Variants in RNLS observed in about 807,000 individuals in gnomAD.
The protein encoded by RNLS is renalase.
RNLS carries 39 observed loss-of-function variants against 39.8 expected under a neutral mutation model. The observed-to-expected ratio is 0.98, with a 90% confidence interval of 0.76 to 1.28. RNLS has a LOEUF of 1.28. Among genes scored for constraint, RNLS ranks in the 50% most tolerant of loss-of-function variants. RNLS has a pLI of 0.00. For missense variants in RNLS, 410 were observed against 413.3 expected (o/e 0.99, Z 0.07); for synonymous variants, 147 against 150.7 (o/e 0.98, Z 0.18).
At chr10:88,491,398 T>C (rs1046970353) in intron 4 of RNLS, among the ~76,000 whole-genome samples, 3 of 152,164 alleles carry the variant, frequency 2.0e-5, no homozygotes, top group Admixed American at 1.3e-4. Flanking sequence ...GACAGGCTTA[T>C]GGTATAGGTG....
At chr10:88,192,855 C>T in the RNLS span, among the ~76,000 whole-genome samples, 3 of 152,088 alleles carry the variant, frequency 2.0e-5, no homozygotes, top group African/African-American at 7.2e-5. Flanking sequence ...TAACTACCTG[C>T]TAACTTTAAA....
the RNLS span, among the ~76,000 whole-genome samples, chr10:88,187,363 G>A: frequency 6.6e-6 from 1 of 151,554 alleles, no homozygotes; most frequent in Non-Finnish European, 1.5e-5. Flanking sequence ...TAGAACAATC[G>A]AGAATTAACC....
At chr10:88,273,803 T>C (rs950858293), downstream of RNLS, 8 of 152,342 alleles carry the variant, frequency 5.3e-5, no homozygotes, top group African/African-American at 1.7e-4. Flanking sequence ...CCAGTCATTT[T>C]AATCCCTGAT....
the RNLS span, among the ~76,000 whole-genome samples, chr10:88,227,584 C>T: frequency 6.6e-6 from 1 of 152,122 alleles, no homozygotes; most frequent in Non-Finnish European, 1.5e-5. Context: ...CCAGTGCTGG[C>T]CTGTCAATGG....
chr10:88,300,661 C>G (rs1844446422), intron 6 of RNLS, among the ~76,000 whole-genome samples: 1 of 152,108 alleles, frequency 6.6e-6, no homozygotes, highest in African/African-American at 2.4e-5. Flanking sequence ...TTATTGGTTA[C>G]CCTTGCTGAT....
At chr10:88,474,209 A>T (rs183405091) in intron 4 of RNLS, among the ~76,000 whole-genome samples, 7 of 152,294 alleles carry the variant, frequency 4.6e-5, no homozygotes, top group Non-Finnish European at 1.0e-4. Flanking sequence ...TGAGCAGAAA[A>T]AAAAACAACC....
the RNLS span, among the ~76,000 whole-genome samples, chr10:88,228,669 C>G: frequency 6.6e-6 from 1 of 152,206 alleles, no homozygotes; most frequent in Non-Finnish European, 1.5e-5. Flanking sequence ...CTCCACGAAA[C>G]TACCTTTGTT....
At chr10:88,281,589 T>C (rs1843010931), downstream of RNLS, among the ~76,000 whole-genome samples, 1 of 152,116 alleles carries the variant, frequency 6.6e-6, no homozygotes, top group African/African-American at 2.4e-5. Context: ...AAAGAATTGG[T>C]GTAAAGAAAC....
intron 6 of RNLS, among the ~76,000 whole-genome samples, chr10:88,289,355 C>T (rs140717358): frequency 3.8e-4 from 58 of 152,180 alleles, no homozygotes; most frequent in East Asian, 1.7e-3. Context: ...TATCTATATT[C>T]AAACTCAGGT....
intron 4 of RNLS, among the ~76,000 whole-genome samples, chr10:88,431,443 T>C (rs79355932): frequency 0.15 from 23,062 of 151,678 alleles, 2,321 homozygotes; most frequent in Non-Finnish European, 0.23. Context: ...TCACTTGTTT[T>C]TCTATTGTTT....
At chr10:88,184,408 G>T in the RNLS span, among the ~76,000 whole-genome samples, 1 of 152,084 alleles carries the variant, frequency 6.6e-6, no homozygotes, top group East Asian at 1.9e-4. Flanking sequence ...TCTTCAATGG[G>T]TGTTTATTTG....
At position 88,454,632 on chromosome 10, in the gene RNLS, T is replaced by C. The variant is rs1589821770; in HGVS notation, c.527-91907A>G. ...AAAGTTATAAAGCCTAACCAACAAT[T>C]ACCCAGAGCTCAAATAAACCAGAGG... On this transcript the variant is annotated intron_variant, in intron 4 of 6. Coordinates refer to ENST00000331772, the MANE Select transcript of RNLS (RefSeq NM_001031709.3). 3.3e-5 allele frequency among the ~76,000 whole-genome samples: 5 copies of C among 152,346 alleles called. No homozygotes were observed. In the East Asian group the frequency reaches 9.6e-4, roughly 29 times the overall value.
At chr10:88,292,234 T>A (rs1321274724) in intron 6 of RNLS, among the ~76,000 whole-genome samples, 1 of 150,410 alleles carries the variant, frequency 6.6e-6, no homozygotes, top group Non-Finnish European at 1.5e-5. Context: ...AAATTGAAAA[T>A]ATGATCTAGG....
At chr10:88,305,847 ACTGT>A (rs1844874819) in intron 6 of RNLS, among the ~76,000 whole-genome samples, 1 of 152,194 alleles carries the variant, frequency 6.6e-6, no homozygotes, top group Non-Finnish European at 1.5e-5. Context: ...TATCTACAGA[ACTGT>A]CCACCAAAAA....
chr10:88,212,928 A>G, the RNLS span, among the ~76,000 whole-genome samples: 1 of 152,232 alleles, frequency 6.6e-6, no homozygotes, highest in African/African-American at 2.4e-5. Context: ...TAGAAGCAGA[A>G]CAAAATAGTA....
chr10:88,325,920 G>A (rs927640025), intron 5 of RNLS, among the ~76,000 whole-genome samples: 4 of 152,130 alleles, frequency 2.6e-5, no homozygotes, highest in African/African-American at 4.8e-5. Flanking sequence ...GGTTTTGTAA[G>A]AGGTTCTCCC....
intron 4 of RNLS, among the ~76,000 whole-genome samples, chr10:88,430,344 G>A (rs987442753): frequency 6.6e-6 from 1 of 151,668 alleles, no homozygotes; most frequent in Non-Finnish European, 1.5e-5. Flanking sequence ...TATTTCTCTA[G>A]TAGATAGCAG....
chr10:88,544,523 T>G (rs1049713006), intron 4 of RNLS, among the ~76,000 whole-genome samples: 1 of 152,192 alleles, frequency 6.6e-6, no homozygotes, highest in Non-Finnish European at 1.5e-5. Context: ...AAAAACTTAA[T>G]AAAGTAGGTC....
intron 4 of RNLS, among the ~76,000 whole-genome samples, chr10:88,536,097 A>G (rs1048995254): frequency 6.6e-6 from 1 of 152,188 alleles, no homozygotes; most frequent in African/African-American, 2.4e-5. Flanking sequence ...CAATAGGTGC[A>G]ATACCACATA....
Sources: gnomAD v4.1 joint callset for allele counts (sites outside exome capture counted in the v4.1 genomes callset) on GRCh38, gnomAD v4.1.1 for gene constraint, MANE v1.5 for transcripts, NCBI Gene and HGNC (gene_info 2026-07-23, HGNC 2026-07-21) for gene names.